Variants in ABCC1 observed in about 807,000 individuals in gnomAD.
The protein encoded by ABCC1 is multidrug resistance-associated protein 1.
A neutral mutation model predicts 172.9 loss-of-function variants in ABCC1; 83 were observed. That is an observed-to-expected ratio of 0.48 (90% CI 0.40 to 0.58). ABCC1 has a LOEUF of 0.58. ABCC1 is among the 20% of genes least tolerant of loss of function. The pLI is 0.00. For synonymous variants in ABCC1, 937 were observed against 825.2 expected, an observed-to-expected ratio of 1.14 and a Z score of -2.32; for missense variants, 1,817 against 2,002.7, an observed-to-expected ratio of 0.91 and a Z score of 1.77.
intron 5 of ABCC1, among the ~76,000 whole-genome samples, chr16:16,032,708 T>G (rs1011338013): frequency 3.3e-5 from 5 of 152,168 alleles, no homozygotes; most frequent in Non-Finnish European, 7.3e-5. Context: ...CTCATGAGGT[T>G]GTCGTGGGGA....
chr16:16,012,802 C>T (rs1246610872), intron 3 of ABCC1, among the ~76,000 whole-genome samples: 1 of 152,006 alleles, frequency 6.6e-6, no homozygotes, highest in East Asian at 1.9e-4. Context: ...CCTGCCTCAG[C>T]TTCCCCAATA....
intron 11 of ABCC1, among the ~76,000 whole-genome samples, chr16:16,054,369 G>C (rs1365618370): frequency 6.6e-6 from 1 of 152,136 alleles, no homozygotes; most frequent in East Asian, 1.9e-4. Context: ...TTAGCGCCCT[G>C]CTTTGGGGAC....
intron 1 of ABCC1, among the ~76,000 whole-genome samples, chr16:15,988,237 C>T (rs950463307): frequency 3.3e-5 from 5 of 152,122 alleles, no homozygotes; most frequent in African/African-American, 1.2e-4. Flanking sequence ...ATTTAAATAC[C>T]CGTCCTCAGC....
At chr16:16,034,705 A>G (rs1360488846) in intron 6 of ABCC1, among the ~76,000 whole-genome samples, 1 of 147,070 alleles carries the variant, frequency 6.8e-6, no homozygotes, top group Admixed American at 7.2e-5. Context: ...CTCCTGTCTC[A>G]GCCTCCTGAG....
At chr16:16,039,721 C>G (rs1312713442) in intron 7 of ABCC1, among the ~76,000 whole-genome samples, 1 of 152,088 alleles carries the variant, frequency 6.6e-6, no homozygotes, top group East Asian at 1.9e-4. Context: ...TGTTTTTGTT[C>G]AACATGCCCA....
intron 12 of ABCC1, among the ~76,000 whole-genome samples, chr16:16,067,168 T>TA (rs1297627734): frequency 6.6e-6 from 1 of 152,128 alleles, no homozygotes; most frequent in Non-Finnish European, 1.5e-5. Context: ...GAGGAATGCT[T>TA]GAGCCCGGGA....
rs906081060 is a variant in ABCC1, at chr16:16,036,507, G to T, written c.713G>T (p.Gly238Val). ...IVRGYRQPLE[G>V]SDLWSLNKED... is the part of the protein sequence containing the mutation. ...CGGGGCTACCGCCAGCCCCTGGAGG[G>T]CAGTGACCTCTGGTCCTTAAACAAG... The change falls in exon 7 of 31, where the codon GGC becomes GTC. Residue 238 changes from glycine (G) to valine (V), a missense_variant. Coordinates refer to ENST00000399410, the MANE Select transcript of ABCC1 (RefSeq NM_004996.4). 2.5e-6 allele frequency: 4 copies of T among 1,614,038 alleles called. No individual in the cohort carries two copies. Among genetic ancestry groups the T allele is most frequent in the Non-Finnish European group, 3.4e-6 (4 of 1,179,926 alleles).
chr16:16,107,620 T>C (rs1401647361), intron 21 of ABCC1, among the ~76,000 whole-genome samples: 1 of 152,170 alleles, frequency 6.6e-6, no homozygotes, highest in Non-Finnish European at 1.5e-5. Context: ...TCCTAATGAT[T>C]ACGTCCCTGA....
At chr16:15,951,695 CTTTTTCTTTTT>C (rs1832679705) in intron 1 of ABCC1, among the ~76,000 whole-genome samples, 1 of 148,328 alleles carries the variant, frequency 6.7e-6, no homozygotes, top group Non-Finnish European at 1.5e-5. Flanking sequence ...TTTTTTTTTT[CTTTTTCTTTTT>C]TGAGACAGAG....
At chr16:16,023,188 A>C (rs531910335) in intron 5 of ABCC1, among the ~76,000 whole-genome samples, 1 of 152,344 alleles carries the variant, frequency 6.6e-6, no homozygotes, top group African/African-American at 2.4e-5. Context: ...TACTGGGATT[A>C]CAGGCCTGAG....
At chr16:16,071,840 C>G in intron 14 of ABCC1, 111 bp downstream of exon 14, 1 of 990,974 alleles carries the variant, frequency 1.0e-6, no homozygotes, top group South Asian at 1.4e-5. Context: ...TGACTCTGCC[C>G]AGCCGCTTGT....
Position 16,044,653 on chromosome 16 carries a change from T to C in ABCC1, c.1013T>C (p.Met338Thr), listed in dbSNP as rs750772759. The change falls in exon 8 of 31, where the codon ATG becomes ACG. Residue 338 changes from methionine (M) to threonine (T), a missense_variant. Coordinates refer to ENST00000399410, the MANE Select transcript of ABCC1 (RefSeq NM_004996.4). The part of the protein sequence containing the change: ...SFFFKAIHDL[M>T]MFSGPQILKL... ...TTCTTCAAGGCCATCCACGACCTGA[T>C]GATGTTTTCCGGGCCGCAGATCTTA... 1.2e-6 allele frequency: 2 copies of C among 1,614,162 alleles called. No individual in the cohort carries two copies. The highest frequency in any genetic ancestry group is 2.2e-5 in the South Asian group (2 of 91,080).
intron 7 of ABCC1, among the ~76,000 whole-genome samples, chr16:16,043,237 T>C (rs2049054384): frequency 7.1e-6 from 1 of 140,166 alleles, no homozygotes; most frequent in Non-Finnish European, 1.6e-5. Context: ...TTTTTTTTTT[T>C]TTTTTTCCAC....
chr16:16,092,080 A>C (rs1301282434), intron 19 of ABCC1, among the ~76,000 whole-genome samples: 1 of 152,180 alleles, frequency 6.6e-6, no homozygotes, highest in Non-Finnish European at 1.5e-5. Flanking sequence ...TCTACTAAAA[A>C]TACAAAAATT....
intron 4 of ABCC1, 47 bp downstream of exon 4, chr16:16,014,675 G>A (rs757787016): frequency 5.0e-6 from 8 of 1,605,592 alleles, no homozygotes; most frequent in South Asian, 3.3e-5. Context: ...GACCCGGAGG[G>A]AGAGATGCTG....
intron 1 of ABCC1, among the ~76,000 whole-genome samples, chr16:16,001,369 C>G (rs557088496): frequency 1.3e-5 from 2 of 152,074 alleles, no homozygotes; most frequent in Non-Finnish European, 2.9e-5. Context: ...CCCGCCACCA[C>G]GCCCGGCTAA....
chr16:16,050,761 G>T (rs756240700), intron 10 of ABCC1, among the ~76,000 whole-genome samples: 1 of 151,364 alleles, frequency 6.6e-6, no homozygotes, highest in Non-Finnish European at 1.5e-5. Context: ...AAATTAGCTG[G>T]GCATGGTGGT....
chr16:15,968,751 TCTC>T (rs1437575623), intron 1 of ABCC1, among the ~76,000 whole-genome samples: 1 of 151,986 alleles, frequency 6.6e-6, no homozygotes, highest in Non-Finnish European at 1.5e-5. Flanking sequence ...TGAGACAGGA[TCTC>T]CTCTGTTGCT....
chr16:15,997,870 A>G (rs1016088034), intron 1 of ABCC1, among the ~76,000 whole-genome samples: 8 of 142,952 alleles, frequency 5.6e-5, no homozygotes, highest in Non-Finnish European at 7.6e-5. Context: ...CTGGAGGACA[A>G]TGACCTGATC....
Sources: allele counts gnomAD v4.1 joint callset (sites outside exome capture counted in the v4.1 genomes callset), GRCh38; gene constraint gnomAD v4.1.1; transcripts MANE v1.5; gene names NCBI Gene and HGNC (gene_info 2026-07-23, HGNC 2026-07-21).